Variants in BAIAP2L1 observed in about 807,000 individuals in gnomAD.
The protein encoded by BAIAP2L1 is BAR/IMD domain-containing adapter protein 2-like 1.
A neutral mutation model predicts 66.3 loss-of-function variants in BAIAP2L1; 35 were observed. The ratio of observed to expected loss-of-function variants is 0.53; its 90% CI spans 0.40 to 0.70. BAIAP2L1 has a LOEUF of 0.70. Ranked by LOEUF, BAIAP2L1 falls within the 30% of genes least tolerant of loss-of-function variation. The probability of loss-of-function intolerance (pLI) is 0.00; values close to 1 mark genes in which losing one functional copy is unlikely to be tolerated. For missense variants in BAIAP2L1, 622 were observed against 656.9 expected, an observed-to-expected ratio of 0.95 and a Z score of 0.58; for synonymous variants, 269 against 248.7, an observed-to-expected ratio of 1.08 and a Z score of -0.77.
chr7:98,356,994 CAAAAAA>C (rs1171832329), intron 2 of BAIAP2L1, among the ~76,000 whole-genome samples: 16 of 2,404 alleles, frequency 6.7e-3, no homozygotes, highest in East Asian at 0.031. Context: ...GCCCCTGTCT[CAAAAAA>C]AAAAAAAAAA....
At chr7:98,384,847 C>T (rs1802850102) in intron 1 of BAIAP2L1, among the ~76,000 whole-genome samples, 1 of 152,016 alleles carries the variant, frequency 6.6e-6, no homozygotes, top group Non-Finnish European at 1.5e-5. Context: ...TACAGGTGCC[C>T]GCCACCACGC....
chr7:98,365,014 A>AAAAAAAAAAAAAAAAC (rs1802361890), intron 1 of BAIAP2L1, among the ~76,000 whole-genome samples: 2 of 149,180 alleles, frequency 1.3e-5, no homozygotes, highest in Non-Finnish European at 3.0e-5. Context: ...AAAAAAAAAA[A>AAAAAAAAAAAAAAAAC]AAAAAGAGCT....
intron 3 of BAIAP2L1, among the ~76,000 whole-genome samples, chr7:98,354,361 C>T (rs1006810069): frequency 6.6e-6 from 1 of 152,170 alleles, no homozygotes; most frequent in Non-Finnish European, 1.5e-5. Context: ...TAAATACGCA[C>T]ACACTTTACC....
Position 98,375,567 on chromosome 7 carries a change from T to G in BAIAP2L1, c.52-13135A>C, listed in dbSNP as rs1276558271. Reference sequence around the variant, plus strand: ...GAGTTCGAGACCAGCCTGACCAATATGGAGAAACCCCATCTCTACTAAAAA... The same window carrying G: ...GAGTTCGAGACCAGCCTGACCAATAGGGAGAAACCCCATCTCTACTAAAAA... On this transcript the variant is annotated intron_variant, in intron 1 of 13. Transcript: ENST00000005260. 6.0e-5 allele frequency among the ~76,000 whole-genome samples: 9 copies of G among 151,250 alleles called. No homozygotes were observed. The East Asian group carries it at 1.8e-3, about 29-fold the overall frequency.
At chr7:98,352,980 C>T (rs1180751597) in intron 3 of BAIAP2L1, among the ~76,000 whole-genome samples, 3 of 151,998 alleles carry the variant, frequency 2.0e-5, no homozygotes, top group African/African-American at 7.3e-5. Context: ...TTTATTCATG[C>T]TATTTTTGGA....
chr7:98,330,433 G>A (rs183623872), intron 3 of BAIAP2L1, among the ~76,000 whole-genome samples: 38 of 152,196 alleles, frequency 2.5e-4, no homozygotes, highest in African/African-American at 8.2e-4. Flanking sequence ...CGAGGCGGGC[G>A]GATCATCTGA....
At chr7:98,374,013 C>G (rs967795074) in intron 1 of BAIAP2L1, among the ~76,000 whole-genome samples, 2 of 152,170 alleles carry the variant, frequency 1.3e-5, no homozygotes, top group South Asian at 2.1e-4. Flanking sequence ...AGTATAGAGG[C>G]AAGAACATGG....
intron 5 of BAIAP2L1, among the ~76,000 whole-genome samples, chr7:98,319,096 A>C (rs1801167150): frequency 6.6e-6 from 1 of 152,204 alleles, no homozygotes; most frequent in South Asian, 2.1e-4. Context: ...GCCAGGCAGC[A>C]GTCCTCACGA....
chr7:98,344,694 G>C (rs532257777), intron 3 of BAIAP2L1, among the ~76,000 whole-genome samples: 1 of 152,340 alleles, frequency 6.6e-6, no homozygotes, highest in African/African-American at 2.4e-5. Context: ...CAGCACTTTG[G>C]GAGGCCGAGG....
At chr7:98,354,978 G>T in intron 3 of BAIAP2L1, 64 bp downstream of exon 3, 2 of 1,225,118 alleles carry the variant, frequency 1.6e-6, no homozygotes, top group Non-Finnish European at 2.4e-6. Flanking sequence ...GCCATCCCAC[G>T]CGTTTCTCTT....
chr7:98,360,794 T>C (rs3779196), intron 2 of BAIAP2L1, among the ~76,000 whole-genome samples: 120,546 of 152,106 alleles, frequency 0.79, 47,926 homozygotes, highest in Non-Finnish European at 0.82. Flanking sequence ...ACAGGGGCAC[T>C]TGCAGAAGTC....
At position 98,400,954 on chromosome 7, in the gene BAIAP2L1, G is replaced by T; in HGVS notation, c.-102C>A. 8.9e-7 allele frequency: 1 copy of T among 1,118,192 alleles called. No homozygotes were observed. The allele number at this position is 1,118,192 out of a possible 1,614,324, so 69.3% of individuals were successfully genotyped here. A position where few individuals can be genotyped will look rare whatever the true frequency, so the allele number is the denominator to read the frequency against. ...GGCCGGGGCGCGACTAAGGGGCTCT[G>T]GAGGGTCGGCCGCCGCCGCAGCCGT... On this transcript the variant is annotated 5_prime_UTR_variant, in exon 1 of 14. Transcript: ENST00000005260.
At position 98,362,390 on chromosome 7, in the gene BAIAP2L1, T is replaced by A. The variant is rs755488496; in HGVS notation, c.94A>T (p.Asn32Tyr). 5.0e-6 allele frequency: 8 copies of A among 1,613,194 alleles called. No homozygotes were observed. Among genetic ancestry groups the A allele is most frequent in the Non-Finnish European group, 6.8e-6 (8 of 1,179,686 alleles). ...GCTTTCTCATAATTTTTCCCCAGGT[T>A]TATTAAATTTCGCAGCCCAGGATTG... Reference protein sequence around the residue: ...QFNPGLRNLINLGKNYEKAVN... With the variant: ...QFNPGLRNLIYLGKNYEKAVN... The change falls in exon 2 of 14, where the codon AAC (asparagine) becomes TAC (tyrosine). Residue 32 changes from asparagine (N) to tyrosine (Y), a missense_variant. By Grantham distance (143) the Asn-to-Tyr change is moderately radical (BLOSUM62 -2). Transcript: ENST00000005260.
chr7:98,359,273 CT>C (rs998408583), intron 2 of BAIAP2L1, among the ~76,000 whole-genome samples: 1,955 of 139,238 alleles, frequency 0.014, 29 homozygotes, highest in African/African-American at 0.044. Flanking sequence ...TACTTGCTGT[CT>C]TTTTTTTTTT....
In BAIAP2L1 at chr7:98,355,115, T is replaced by G. The variant is rs760723279; in HGVS notation, c.141A>C (p.Ala47=). Residue 47 remains alanine, a synonymous_variant, in exon 3 of 14, where the codon GCA becomes GCC. Transcript: ENST00000005260. ...YEKAVNAMIL[A]GKAYYDGVAK... The stretch of plus-strand genomic sequence containing the variant: ...CCACTCCATCGTAGTAGGCTTTTCC[T>G]GCCAGGATCATAGCTAGACACAAAA... The G allele has an allele frequency of 3.7e-6, 6 of 1,612,766 alleles. No individual in the cohort carries two copies. In the Admixed American group the frequency reaches 5.0e-5, roughly 13 times the overall value.
chr7:98,311,955 AAG>A, intron 8 of BAIAP2L1, 140 bp downstream of exon 8: 1 of 810,920 alleles, frequency 1.2e-6, no homozygotes, highest in Non-Finnish European at 1.9e-6. Flanking sequence ...TTCGCCCCTA[AAG>A]GTAAGGGGAT....
intron 12 of BAIAP2L1, among the ~76,000 whole-genome samples, chr7:98,295,806 C>T (rs1229596904): frequency 6.6e-6 from 1 of 152,162 alleles, no homozygotes; most frequent in African/African-American, 2.4e-5. Flanking sequence ...TGGGCCCCCA[C>T]GGGACTTTAA....
rs1480186109 is a variant in BAIAP2L1 at position 98,400,946 on chromosome 7, G to C, written c.-94C>G. The C allele has an allele frequency of 1.6e-6, 2 of 1,284,602 alleles. No individual in the cohort carries two copies. The highest frequency in any genetic ancestry group is 3.1e-5 in the East Asian group (1 of 32,442). The allele number at this position is 1,284,602 out of a possible 1,614,324, so 79.6% of individuals were successfully genotyped here. A position where few individuals can be genotyped will look rare whatever the true frequency, so the allele number is the denominator to read the frequency against. ...AGCGGGAGGGCCGGGGCGCGACTAAGGGGCTCTGGAGGGTCGGCCGCCGCC... is the reference window on the plus strand; with the variant it reads ...AGCGGGAGGGCCGGGGCGCGACTAACGGGCTCTGGAGGGTCGGCCGCCGCC... On this transcript the variant is annotated 5_prime_UTR_variant, in exon 1 of 14. Transcript: ENST00000005260.
intron 1 of BAIAP2L1, among the ~76,000 whole-genome samples, chr7:98,380,263 A>G (rs1802723929): frequency 6.6e-6 from 1 of 151,840 alleles, no homozygotes; most frequent in African/African-American, 2.4e-5. Context: ...TTTTTTCTAG[A>G]GATGGGCTCT....
Sources: gnomAD v4.1 joint callset for allele counts (sites outside exome capture counted in the v4.1 genomes callset) on GRCh38, gnomAD v4.1.1 for gene constraint, MANE v1.5 for transcripts, NCBI Gene and HGNC (gene_info 2026-07-23, HGNC 2026-07-21) for gene names.